Variants in FBXO34 observed in about 807,000 individuals in gnomAD.
The protein encoded by FBXO34 is F-box only protein 34.
Under a neutral mutation model 24.5 loss-of-function variants are expected in FBXO34, and 12 were observed. The observed-to-expected ratio is 0.49, with a 90% confidence interval of 0.31 to 0.79. FBXO34 has a LOEUF of 0.79. Ranked by LOEUF, FBXO34 falls within the 30% of genes least tolerant of loss-of-function variation. FBXO34 has a pLI of 0.04. For synonymous variants in FBXO34, 320 were observed against 311.9 expected, an observed-to-expected ratio of 1.03 and a Z score of -0.27; for missense variants, 823 against 857.7, an observed-to-expected ratio of 0.96 and a Z score of 0.51.
chr14:55,396,372 T>C, the FBXO34 span, among the ~76,000 whole-genome samples: 1 of 152,208 alleles, frequency 6.6e-6, no homozygotes, highest in Non-Finnish European at 1.5e-5. Context: ...TGGAATAAAA[T>C]GTTCTATGGG....
At chr14:55,433,651 A>T in the FBXO34 span, 1 of 1,614,076 alleles carries the variant, frequency 6.2e-7, no homozygotes, top group Non-Finnish European at 8.5e-7. Context: ...CGTGCAGACC[A>T]TCTTCCCAGA....
chr14:55,369,712 G>A (rs1441757774), downstream of FBXO34: 2 of 1,610,970 alleles, frequency 1.2e-6, no homozygotes, highest in Non-Finnish European at 1.7e-6. Context: ...CGATGGGTGG[G>A]GACGCCTGGG....
intron 1 of FBXO34, among the ~76,000 whole-genome samples, chr14:55,316,352 C>T (rs561751298): frequency 3.7e-4 from 56 of 150,814 alleles, no homozygotes; most frequent in Non-Finnish European, 5.3e-4. Context: ...TTTGGGAGGC[C>T]AAGGTAGGTC....
the FBXO34 span, among the ~76,000 whole-genome samples, chr14:55,442,153 C>T: frequency 6.6e-6 from 1 of 151,268 alleles, no homozygotes; most frequent in African/African-American, 2.4e-5. Context: ...CTTTGGGAGG[C>T]TGAGGCAGGT....
intron 1 of FBXO34, among the ~76,000 whole-genome samples, chr14:55,285,937 C>G (rs1456023079): frequency 6.6e-6 from 1 of 152,178 alleles, no homozygotes. Flanking sequence ...AGTTACTAAT[C>G]TTTGTTTCCC....
chr14:55,411,436 C>T, the FBXO34 span, among the ~76,000 whole-genome samples: 1 of 152,194 alleles, frequency 6.6e-6, no homozygotes, highest in African/African-American at 2.4e-5. Flanking sequence ...CTACGCTGTC[C>T]TCTGGTAGCA....
chr14:55,340,136 C>G lies in FBXO34; in HGVS notation c.-10-10245C>G, dbSNP rs943586426. Among the ~76,000 whole-genome samples, 4 of 152,202 alleles carry G rather than the reference C, an allele frequency of 2.6e-5. No individual in the cohort carries two copies. The South Asian group carries it at 8.3e-4, about 31-fold the overall frequency. On this transcript the variant is annotated intron_variant, in intron 1 of 1. Transcript: ENST00000313833. ...AACAACTGGGCTTGTAGCTACCCTT[C>G]CACCTCAGCCTCCCAAGTTGCTGGG...
Position 55,350,709 on chromosome 14 carries a change from A to G in FBXO34, c.319A>G (p.Ile107Val), listed in dbSNP as rs1884326886. 6.2e-7 allele frequency: 1 copy of G among 1,613,372 alleles called. No homozygotes were observed. Among genetic ancestry groups the G allele is most frequent in the African/African-American group, 1.3e-5 (1 of 74,948 alleles). ...GGGCGAAGAAGAAGGACCACTTGAT[A>G]TCTGGGCTGTTGTGAAACCTGGAAA... The part of the protein sequence containing the change: ...HQGEEEGPLD[I>V]WAVVKPGNTK... The change falls in exon 2 of 2, where the codon ATC becomes GTC. Residue 107 changes from isoleucine to valine, a missense_variant. Physicochemically the swap from Ile to Val is conservative, Grantham distance 29. This residue lies in a region of FBXO34 where 693 missense variants were observed against 659.1 expected (regional missense o/e 1.05). Transcript: ENST00000313833.
In FBXO34 at chr14:55,331,695, ATATATATATG is replaced by A. The variant is rs1437865981; in HGVS notation, c.-10-18676_-10-18667del. Reference sequence around the variant, plus strand: ...TGTATATATATATATGTGTATATATATATATATATGTATATATATATGTATATATATATGT... The same window carrying A: ...TGTATATATATATATGTGTATATATATATATATATATGTATATATATATGT... On this transcript the variant is annotated intron_variant, in intron 1 of 1. Transcript: ENST00000313833. Among the ~76,000 whole-genome samples, 375 of 66,788 alleles carry A rather than the reference ATATATATATG, an allele frequency of 5.6e-3. 106 individuals carry two copies. The African/African-American group carries it at 0.058, about 10-fold the overall frequency. 43.8% of individuals were successfully genotyped at this position (66,788 alleles called of 152,430 possible). A position where few individuals can be genotyped will look rare whatever the true frequency, so the allele number is the denominator to read the frequency against.
At chr14:55,323,028 A>AAAC (rs1883197147) in intron 1 of FBXO34, among the ~76,000 whole-genome samples, 1 of 128,508 alleles carries the variant, frequency 7.8e-6, no homozygotes, top group Non-Finnish European at 1.6e-5. Context: ...AAAAAAAAAA[A>AAAC]AAAAAGCAAA....
At chr14:55,433,541 C>T in the FBXO34 span, 2 of 1,251,118 alleles carry the variant, frequency 1.6e-6, no homozygotes, top group African/African-American at 1.5e-5. Context: ...TTTGCTTCTA[C>T]TATGTGCTTT....
chr14:55,438,581 A>G, the FBXO34 span, among the ~76,000 whole-genome samples: 1 of 152,220 alleles, frequency 6.6e-6, no homozygotes, highest in African/African-American at 2.4e-5. Flanking sequence ...CTTCCCCATC[A>G]TGGCATTTTA....
At chr14:55,328,433 C>G (rs1883424264) in intron 1 of FBXO34, among the ~76,000 whole-genome samples, 2 of 152,144 alleles carry the variant, frequency 1.3e-5, no homozygotes, top group Admixed American at 1.3e-4. Flanking sequence ...GAGCTGATCC[C>G]TAGAGATAGC....
At chr14:55,382,876 T>G in the FBXO34 span, among the ~76,000 whole-genome samples, 2 of 152,142 alleles carry the variant, frequency 1.3e-5, no homozygotes, top group Non-Finnish European at 2.9e-5. Flanking sequence ...TGATACTGAA[T>G]TAGAAATACT....
At position 55,293,834 on chromosome 14, in the gene FBXO34, G is replaced by GTT. The variant is rs373931699; in HGVS notation, c.-11+22307_-11+22308dup. ...AATGAATGAATTTTTATGAAGTGTG[G>GTT]TTTTTTTTTTTCCTTCCCTAGCACA... On this transcript the variant is annotated intron_variant, in intron 1 of 1. Transcript: ENST00000313833. Among the ~76,000 whole-genome samples the GTT allele has an allele frequency of 4.2e-3, 631 of 148,794 alleles. 6 individuals carry two copies. The highest frequency in any genetic ancestry group is 5.6e-3 in the Non-Finnish European group (378 of 67,114).
rs910753919 is a variant in FBXO34, at chr14:55,347,125, C to T, written c.-10-3256C>T. On this transcript the variant is annotated intron_variant, in intron 1 of 1. Coordinates refer to ENST00000313833, the MANE Select transcript of FBXO34 (RefSeq NM_017943.4). ...ACATTGATGTGTAGGTGCTATAAAC[C>T]TGCATTTTACTTTATTGCAAGAGAG... Among the ~76,000 whole-genome samples the T allele has an allele frequency of 2.4e-4, 36 of 152,140 alleles. No homozygotes were observed. The South Asian group carries it at 6.8e-3, about 29-fold the overall frequency.
At chr14:55,394,979 C>G in the FBXO34 span, 1 of 432,882 alleles carries the variant, frequency 2.3e-6, no homozygotes, top group Non-Finnish European at 4.6e-6. Flanking sequence ...TTCAAAGGGG[C>G]TCTCCTCAGT....
the FBXO34 span, among the ~76,000 whole-genome samples, chr14:55,383,537 C>T: frequency 6.6e-6 from 1 of 151,304 alleles, no homozygotes; most frequent in Non-Finnish European, 1.5e-5. Context: ...GGTGACAAAG[C>T]GAGACTCCAT....
chr14:55,371,222 G>C (rs1314967119), downstream of FBXO34, among the ~76,000 whole-genome samples: 2 of 152,184 alleles, frequency 1.3e-5, no homozygotes, highest in African/African-American at 4.8e-5. Flanking sequence ...TGAGAGCCTA[G>C]AATCGTATAG....
Sources: gnomAD v4.1 joint callset for allele counts (sites outside exome capture counted in the v4.1 genomes callset) on GRCh38, gnomAD v4.1.1 for gene constraint, gnomAD v4.1.1 regional missense constraint, MANE v1.5 for transcripts, NCBI Gene and HGNC (gene_info 2026-07-23, HGNC 2026-07-21) for gene names.